Variants in PCDHGB2 observed in about 807,000 individuals in gnomAD.
PCDHGB2 encodes the protein protocadherin gamma subfamily B, 2, also known as protocadherin gamma-B2.
A neutral mutation model predicts 59.3 loss-of-function variants in PCDHGB2; 55 were observed. That is an observed-to-expected ratio of 0.93 (90% CI 0.75 to 1.16). The LOEUF (loss-of-function observed/expected upper bound fraction) is 1.16, where lower values mean the gene tolerates loss of function less well. PCDHGB2 is among the 50% of genes most tolerant of loss of function. The pLI is 0.00. For synonymous variants in PCDHGB2, 516 were observed against 512.0 expected (o/e 1.01, Z -0.11); for missense variants, 1,228 against 1,198.5 (o/e 1.02, Z -0.36).
At position 141,446,758 on chromosome 5, in the gene PCDHGB2, C is replaced by T. The variant is rs776925316; in HGVS notation, c.2422-48049C>T. Among the ~76,000 whole-genome samples, 10 of 152,208 alleles carry T rather than the reference C, an allele frequency of 6.6e-5. 1 individual carries two copies. Among genetic ancestry groups the T allele is most frequent in the African/African-American group, 9.7e-5 (4 of 41,448 alleles). On this transcript the variant is annotated intron_variant, in intron 1 of 3. Transcript: ENST00000522605. ...TGGGGATTACAGGCGTGAGCCACCG[C>T]GCCCAGCCGGTTACCATTCTTTTAC...
chr5:141,423,762 G>GT, intron 1 of PCDHGB2: 1 of 264,254 alleles, frequency 3.8e-6, no homozygotes, highest in Non-Finnish European at 5.6e-6. Context: ...GGGGGGGGGT[G>GT]GGGCGGCATA....
At chr5:141,366,219 G>A (rs888571729) in intron 1 of PCDHGB2, 8 of 1,613,694 alleles carry the variant, frequency 5.0e-6, no homozygotes, top group African/African-American at 1.3e-5. Flanking sequence ...CGCACAGCGC[G>A]AGCCCTGCTG....
rs778172652 is a variant in PCDHGB2, at chr5:141,418,978, C to G, written c.2421+56422C>G. 4 of 1,613,790 alleles carry G rather than the reference C, an allele frequency of 2.5e-6. No individual in the cohort carries two copies. In the South Asian group the frequency reaches 4.4e-5, roughly 18 times the overall value. ...TTGTTGCCCTCTTCAAAACACGGGACCAAGACTCAGGGGAAAATGGGGAAG... is the reference window on the plus strand; with the variant it reads ...TTGTTGCCCTCTTCAAAACACGGGAGCAAGACTCAGGGGAAAATGGGGAAG... On this transcript the variant is annotated intron_variant, in intron 1 of 3. Coordinates refer to ENST00000522605, the MANE Select transcript of PCDHGB2 (RefSeq NM_018923.3).
chr5:141,371,135 C>T (rs779737022), intron 1 of PCDHGB2: 9 of 1,614,012 alleles, frequency 5.6e-6, no homozygotes, highest in Non-Finnish European at 7.6e-6. Flanking sequence ...AGGACATGTA[C>T]AGGGTCAATG....
At chr5:141,398,177 T>C (rs2093620975) in intron 1 of PCDHGB2, 11 of 1,473,994 alleles carry the variant, frequency 7.5e-6, no homozygotes, top group African/African-American at 2.9e-5. Context: ...CTGCCAGTGC[T>C]CTTTCTCTTC....
In PCDHGB2 at chr5:141,477,595, T is replaced by C. The variant is rs1289890776; in HGVS notation, c.2422-17212T>C. The C allele has an allele frequency of 6.2e-7, 1 of 1,614,176 alleles. No individual in the cohort carries two copies. Among genetic ancestry groups the C allele is most frequent in the Non-Finnish European group, 8.5e-7 (1 of 1,180,032 alleles). ...ACGCCCCGCAGAATGCTCGGCTTTC[T>C]TTCTTTCTCTTGGAGCAAGGAGCTG... On this transcript the variant is annotated intron_variant, in intron 1 of 3. Coordinates refer to ENST00000522605, the MANE Select transcript of PCDHGB2 (RefSeq NM_018923.3). This position sits in a 1 kb window ranked among gnomAD's most constrained non-coding sequence, Gnocchi z 4.9.
chr5:141,377,364 A>C (rs1163264209), intron 1 of PCDHGB2: 2 of 152,154 alleles, frequency 1.3e-5, no homozygotes, highest in Non-Finnish European at 2.9e-5. Flanking sequence ...CCACCTCTTC[A>C]GGAGGCTGAG....
At chr5:141,409,262 G>A (rs768196825) in intron 1 of PCDHGB2, 2 of 1,613,834 alleles carry the variant, frequency 1.2e-6, no homozygotes, top group African/African-American at 2.7e-5. Flanking sequence ...TTCTCTCTCT[G>A]ATCAGATTTT....
At position 141,382,780 on chromosome 5, in the gene PCDHGB2, A is replaced by T. The variant is rs1050419701; in HGVS notation, c.2421+20224A>T. On this transcript the variant is annotated intron_variant, in intron 1 of 3. Coordinates refer to ENST00000522605, the MANE Select transcript of PCDHGB2 (RefSeq NM_018923.3). ...CCCTCTTCCAGGCTGCACTAAACTC[A>T]AGCCTCTATCCTGCTGGATTCTGAG... is the stretch of plus-strand genomic sequence containing the variant. 8.4e-6 allele frequency: 7 copies of T among 836,240 alleles called. No homozygotes were observed. The African/African-American group carries it at 1.2e-4, about 14-fold the overall frequency. 51.8% of individuals were successfully genotyped at this position (836,240 alleles called of 1,614,324 possible).
chr5:141,401,215 G>A (rs371927686), intron 1 of PCDHGB2, among the ~76,000 whole-genome samples: 9 of 152,158 alleles, frequency 5.9e-5, no homozygotes, highest in African/African-American at 9.6e-5. Context: ...GGTGGCGGGC[G>A]CCTGTAATCC....
Position 141,431,599 on chromosome 5 carries a change from C to T in PCDHGB2, c.2422-63208C>T. On this transcript the variant is annotated intron_variant, in intron 1 of 3. Transcript: ENST00000522605. The surrounding 1 kb of genome is among the most constrained non-coding windows in gnomAD (Gnocchi z 4.8). ...GAGTCAATGCGGAAGTGAGGTATTC[C>T]TTCCGGTATGTGGACGACAAGGCGG... 1 of 1,614,194 alleles carries T rather than the reference C, an allele frequency of 6.2e-7. No individual in the cohort carries two copies. The highest frequency in any genetic ancestry group is 8.5e-7 in the Non-Finnish European group (1 of 1,180,034).
rs2099612736 is a variant in PCDHGB2 at position 141,485,393 on chromosome 5, C to T, written c.2422-9414C>T. The T allele has an allele frequency of 6.2e-7, 1 of 1,614,154 alleles. No homozygotes were observed. The highest frequency in any genetic ancestry group is 1.7e-5 in the Admixed American group (1 of 60,020). ...GGTCGCTGGAGAGGTGAACCAAAGA[C>T]ACTTCCGTGTGGATTTGGACAGCGG... On this transcript the variant is annotated intron_variant, in intron 1 of 3. Coordinates refer to ENST00000522605, the MANE Select transcript of PCDHGB2 (RefSeq NM_018923.3). The surrounding 1 kb of genome is among the most constrained non-coding windows in gnomAD (Gnocchi z 5.7).
intron 1 of PCDHGB2, chr5:141,428,078 C>A (rs747287202): frequency 1.2e-6 from 2 of 1,609,216 alleles, no homozygotes; most frequent in Admixed American, 3.3e-5. Flanking sequence ...ATTCGGGACA[C>A]AACGCTTGGC....
At chr5:141,395,078 G>C in intron 1 of PCDHGB2, 1 of 1,614,126 alleles carries the variant, frequency 6.2e-7, no homozygotes, top group Non-Finnish European at 8.5e-7. Flanking sequence ...CCTATTCCCA[G>C]GAAGTCTCCC....
chr5:141,395,797 A>G (rs56946131), intron 1 of PCDHGB2: 16,957 of 151,702 alleles, frequency 0.11, 1,119 homozygotes, highest in African/African-American at 0.18. Flanking sequence ...ACTTCTTACC[A>G]TCCTTCAAAA....
intron 1 of PCDHGB2, among the ~76,000 whole-genome samples, chr5:141,488,938 A>T (rs1195859645): frequency 6.6e-6 from 1 of 152,154 alleles, no homozygotes; most frequent in East Asian, 1.9e-4. Context: ...AGGAAACTCC[A>T]TAATTGGTTG....
intron 1 of PCDHGB2, chr5:141,478,602 T>C (rs2099466537): frequency 6.4e-7 from 1 of 1,563,560 alleles, no homozygotes; most frequent in Admixed American, 1.9e-5. Context: ...TCCTACATCA[T>C]ATTGAGGAAG....
At chr5:141,415,551 C>T (rs745641887) in intron 1 of PCDHGB2, 1 of 1,614,132 alleles carries the variant, frequency 6.2e-7, no homozygotes, top group South Asian at 1.1e-5. Context: ...GTGAGAAAAA[C>T]GATCCTTTGT....
Position 141,490,611 on chromosome 5 carries a change from G to GCTTTA in PCDHGB2, c.2422-4194_2422-4190dup. On this transcript the variant is annotated intron_variant, in intron 1 of 3. Coordinates refer to ENST00000522605, the MANE Select transcript of PCDHGB2 (RefSeq NM_018923.3). The surrounding 1 kb of genome is among the most constrained non-coding windows in gnomAD (Gnocchi z 5.4). The stretch of plus-strand genomic sequence containing the variant: ...ACAATGCACCCCGCTTCAACCAGCA[G>GCTTTA]CTTTACACTGCTTACATCCTAGAAA... 6.2e-7 allele frequency: 1 copy of GCTTTA among 1,614,170 alleles called. No individual in the cohort carries two copies. Among genetic ancestry groups the GCTTTA allele is most frequent in the Non-Finnish European group, 8.5e-7 (1 of 1,180,036 alleles).
Sources: allele counts gnomAD v4.1 joint callset (sites outside exome capture counted in the v4.1 genomes callset), GRCh38; gene constraint gnomAD v4.1.1; non-coding constraint Gnocchi (gnomAD v3.1); transcripts MANE v1.5; gene names NCBI Gene and HGNC (gene_info 2026-07-23, HGNC 2026-07-21).